The following KCNH8 variants were observed in gnomAD, a reference collection of about 807,000 sequenced individuals.
KCNH8 encodes the protein potassium voltage-gated channel subfamily H member 8.
KCNH8 carries 70 observed loss-of-function variants against 103.6 expected under a neutral mutation model. The observed-to-expected ratio is 0.68, with a 90% CI of 0.56 to 0.82. The LOEUF is 0.82. Among genes scored for constraint, KCNH8 ranks in the 40% least tolerant of loss-of-function variants. The pLI, the probability that KCNH8 is intolerant of heterozygous loss-of-function variation, is 0.00. For synonymous variants in KCNH8, 498 were observed against 489.4 expected (o/e 1.02, Z -0.23); for missense variants, 1,217 against 1,329.9 (o/e 0.92, Z 1.32).
At chr3:19,157,440 CCTT>C (rs2063191448) in intron 1 of KCNH8, among the ~76,000 whole-genome samples, 1 of 152,076 alleles carries the variant, frequency 6.6e-6, no homozygotes, top group Admixed American at 6.6e-5. Flanking sequence ...ATGAGCCTGT[CCTT>C]CTCTCTCAAC....
At position 19,533,493 on chromosome 3, in the gene KCNH8, G is replaced by T. The variant is rs777057026; in HGVS notation, c.2718G>T (p.Arg906=). 1.2e-6 allele frequency: 2 copies of T among 1,614,168 alleles called. No homozygotes were observed. Among genetic ancestry groups the T allele is most frequent in the African/African-American group, 1.3e-5 (1 of 75,054 alleles). Residue 906 remains arginine, a synonymous_variant, in exon 16 of 16, where the codon CGG becomes CGT. Transcript: ENST00000328405. ...ENVLSPQQPS[R]FCSLHSTSVC... is the part of the protein sequence containing the mutation. ...TTCTGTCACCTCAGCAGCCATCACG[G>T]TTTTGCTCTTTGCACAGCACCTCTG...
At chr3:19,496,179 C>T (rs2068437319) in intron 11 of KCNH8, among the ~76,000 whole-genome samples, 1 of 151,980 alleles carries the variant, frequency 6.6e-6, no homozygotes. Flanking sequence ...ATTTGGATGC[C>T]TTTTATTTCT....
At chr3:19,316,293 A>G (rs576620112) in intron 3 of KCNH8, among the ~76,000 whole-genome samples, 33 of 152,006 alleles carry the variant, frequency 2.2e-4, no homozygotes, top group Non-Finnish European at 4.3e-4. Flanking sequence ...AATGCCAGTA[A>G]TACCCACACA....
At chr3:19,435,435 C>T (rs1015274261) in intron 7 of KCNH8, among the ~76,000 whole-genome samples, 3 of 152,142 alleles carry the variant, frequency 2.0e-5, no homozygotes, top group Admixed American at 6.6e-5. Flanking sequence ...AGGGTTAGTA[C>T]ACGTAAATGA....
At chr3:19,286,093 G>A (rs915533529) in intron 3 of KCNH8, among the ~76,000 whole-genome samples, 2 of 152,140 alleles carry the variant, frequency 1.3e-5, no homozygotes, top group Admixed American at 1.3e-4. Context: ...CAACCCTAAG[G>A]AGTTTAGGTG....
intron 15 of KCNH8, among the ~76,000 whole-genome samples, chr3:19,528,422 A>C (rs1437690486): frequency 6.6e-6 from 1 of 152,080 alleles, no homozygotes; most frequent in Non-Finnish European, 1.5e-5. Flanking sequence ...ACAAAGCAAT[A>C]AGACAAGTGA....
At chr3:19,337,596 C>T (rs768483936) in intron 3 of KCNH8, among the ~76,000 whole-genome samples, 4 of 151,886 alleles carry the variant, frequency 2.6e-5, no homozygotes, top group African/African-American at 7.2e-5. Context: ...CCTTTTACTC[C>T]GAACACTCTT....
At position 19,354,286 on chromosome 3, in the gene KCNH8, G is replaced by A. The variant is rs1289160548; in HGVS notation, c.811+6321G>A. ...CTCATGGATAGGAAGAATCAATATCGTGAAAATGGCCATACTGCCCAAGGT... is the reference window on the plus strand; with the variant it reads ...CTCATGGATAGGAAGAATCAATATCATGAAAATGGCCATACTGCCCAAGGT... On this transcript the variant is annotated intron_variant, in intron 5 of 15. Coordinates refer to ENST00000328405, the MANE Select transcript of KCNH8 (RefSeq NM_144633.3). Among the ~76,000 whole-genome samples the A allele has an allele frequency of 1.2e-4, 18 of 152,230 alleles. 1 individual carries two copies. In the South Asian group the frequency reaches 1.5e-3, roughly 12 times the overall value.
rs765790324 is a variant in KCNH8, at chr3:19,493,729, TTTA to T, written c.2041-16628_2041-16626del. 2.4e-3 allele frequency among the ~76,000 whole-genome samples: 361 copies of T among 152,072 alleles called. 1 individual carries two copies. The highest frequency in any genetic ancestry group is 3.2e-3 in the Non-Finnish European group (216 of 68,030). On this transcript the variant is annotated intron_variant, in intron 11 of 15. Coordinates refer to ENST00000328405, the MANE Select transcript of KCNH8 (RefSeq NM_144633.3). ...CATTCCATATGATATTGGCTGTGGC[TTTA>T]TTATTGATGAGTCTTATTATTATTA...
chr3:19,485,276 A>G (rs538836640), intron 11 of KCNH8, among the ~76,000 whole-genome samples: 1 of 152,316 alleles, frequency 6.6e-6, no homozygotes, highest in East Asian at 1.9e-4. Context: ...TAGAGTAAGT[A>G]CACACAAGAA....
intron 1 of KCNH8, among the ~76,000 whole-genome samples, chr3:19,170,678 A>T (rs1027944570): frequency 4.8e-5 from 7 of 144,606 alleles, no homozygotes; most frequent in African/African-American, 1.8e-4. Flanking sequence ...ATATATACAC[A>T]CACACATATA....
chr3:19,283,625 T>C (rs991712113), intron 3 of KCNH8, among the ~76,000 whole-genome samples: 3 of 151,924 alleles, frequency 2.0e-5, no homozygotes, highest in Non-Finnish European at 4.4e-5. Context: ...AGAGTAACTG[T>C]TGTAAGTCAC....
rs1266843900 is a variant in KCNH8 at position 19,332,056 on chromosome 3, T to G, written c.443-10531T>G. Among the ~76,000 whole-genome samples the G allele has an allele frequency of 8.6e-5, 13 of 151,866 alleles. 1 individual carries two copies. The highest frequency in any genetic ancestry group is 4.6e-4 in the Admixed American group (7 of 15,226). ...CACCTATTTTTGCATTACGTTAGTT[T>G]TTTTTTTTTTTTCACATACACTTCA... On this transcript the variant is annotated intron_variant, in intron 3 of 15. Transcript: ENST00000328405.
At chr3:19,531,690 G>T (rs1221140856) in intron 15 of KCNH8, among the ~76,000 whole-genome samples, 2 of 152,238 alleles carry the variant, frequency 1.3e-5, no homozygotes, top group Non-Finnish European at 2.9e-5. Context: ...CTGCCAGGGA[G>T]AATTAGTTTC....
At chr3:19,500,651 G>A (rs1273801613) in intron 11 of KCNH8, among the ~76,000 whole-genome samples, 5 of 152,248 alleles carry the variant, frequency 3.3e-5, no homozygotes, top group Non-Finnish European at 5.9e-5. Context: ...TCAACTACAT[G>A]GAACTGAACA....
At chr3:19,254,917 A>T (rs1456444021) in intron 2 of KCNH8, among the ~76,000 whole-genome samples, 1 of 152,146 alleles carries the variant, frequency 6.6e-6, no homozygotes, top group African/African-American at 2.4e-5. Flanking sequence ...ATTGTTCTCT[A>T]ATTTATCTCC....
chr3:19,464,811 C>G (rs1468305454), intron 11 of KCNH8, among the ~76,000 whole-genome samples: 1 of 152,104 alleles, frequency 6.6e-6, no homozygotes, highest in African/African-American at 2.4e-5. Flanking sequence ...TCATTTACTT[C>G]TTGTACACCT....
At chr3:19,165,956 A>C (rs552504295) in intron 1 of KCNH8, among the ~76,000 whole-genome samples, 4 of 152,314 alleles carry the variant, frequency 2.6e-5, no homozygotes, top group Admixed American at 2.6e-4. Flanking sequence ...AAGCCAGCCC[A>C]ATAACACAAA....
intron 7 of KCNH8, among the ~76,000 whole-genome samples, chr3:19,398,081 T>G (rs764095461): frequency 6.6e-6 from 1 of 151,978 alleles, no homozygotes; most frequent in Non-Finnish European, 1.5e-5. Flanking sequence ...GTGTTTAACA[T>G]TAGATGTATA....
Sources: gnomAD v4.1 joint callset for allele counts (sites outside exome capture counted in the v4.1 genomes callset) on GRCh38, gnomAD v4.1.1 for gene constraint, MANE v1.5 for transcripts, NCBI Gene and HGNC (gene_info 2026-07-23, HGNC 2026-07-21) for gene names.